Variants in SARDH observed in about 807,000 individuals in gnomAD.
SARDH encodes the protein sarcosine dehydrogenase.
A neutral mutation model predicts 109.1 loss-of-function variants in SARDH; 95 were observed. The ratio of observed to expected loss-of-function variants is 0.87; its 90% CI spans 0.74 to 1.03. The LOEUF (loss-of-function observed/expected upper bound fraction) is 1.03, where lower values mean the gene tolerates loss of function less well. SARDH is among the 50% of genes least tolerant of loss of function. The probability of loss-of-function intolerance (pLI) is 0.00; values close to 1 mark genes in which losing one functional copy is unlikely to be tolerated. For synonymous variants in SARDH, 572 were observed against 534.8 expected (o/e 1.07, Z -0.96); for missense variants, 1,267 against 1,287.8 (o/e 0.98, Z 0.25).
chr9:133,677,370 G>A (rs994695773), intron 17 of SARDH, among the ~76,000 whole-genome samples: 3 of 152,162 alleles, frequency 2.0e-5, no homozygotes, highest in African/African-American at 7.2e-5. Context: ...AATCCGTAGG[G>A]GATGCACCTT....
intron 17 of SARDH, among the ~76,000 whole-genome samples, chr9:133,678,496 C>T (rs1564241796): frequency 6.6e-6 from 1 of 152,228 alleles, no homozygotes; most frequent in Non-Finnish European, 1.5e-5. Context: ...CCTAGAAATA[C>T]AACTCAAGCC....
chr9:133,674,707 C>T (rs1588385437), intron 17 of SARDH, among the ~76,000 whole-genome samples: 2 of 152,154 alleles, frequency 1.3e-5, no homozygotes, highest in Non-Finnish European at 2.9e-5. Context: ...AGAAGCTGGT[C>T]GCGTACCTTA....
Position 133,663,649 on chromosome 9 carries a change from T to TA in SARDH, c.*239dup. ...CCATGGTCCCTGAGCCCAAGACACTTACAGGTTTGCTTTCTGGGAGGATTG... is the reference window on the plus strand; with the variant it reads ...CCATGGTCCCTGAGCCCAAGACACTTAACAGGTTTGCTTTCTGGGAGGATTG... On this transcript the variant is annotated 3_prime_UTR_variant, in exon 21 of 21. Coordinates refer to ENST00000439388, the MANE Select transcript of SARDH (RefSeq NM_001134707.2). 1 of 558,312 alleles carries TA rather than the reference T, an allele frequency of 1.8e-6. No homozygotes were observed. The allele number at this position is 558,312 out of a possible 1,614,324, so 34.6% of individuals were successfully genotyped here.
rs1270458901 is a variant in SARDH at position 133,696,286 on chromosome 9, C to G, written c.1744G>C (p.Val582Leu). 6.2e-7 allele frequency: 1 copy of G among 1,614,168 alleles called. No homozygotes were observed. Among genetic ancestry groups the G allele is most frequent in the South Asian group, 1.1e-5 (1 of 91,084 alleles). The stretch of plus-strand genomic sequence containing the variant: ...GCAGCCTTCCTTGCATCCAGCCCCA[C>G]CAGGTAGAACTTCCCGAAGTAGGAC... ...DMSYFGKFYL[V>L]GLDARKAADW... is the part of the protein sequence containing the mutation. The change falls in exon 14 of 21, where the codon GTG (valine) becomes CTG (leucine). Residue 582 changes from valine (V) to leucine (L), a missense_variant. Transcript: ENST00000439388.
At chr9:133,694,473 G>C in intron 14 of SARDH, 102 bp from the exon 15 acceptor site, 1 of 963,586 alleles carries the variant, frequency 1.0e-6, no homozygotes. Context: ...TCCTTGTCAC[G>C]GAGGCTGGAT....
chr9:133,714,957 G>A (rs932972865), intron 8 of SARDH, among the ~76,000 whole-genome samples: 1 of 152,214 alleles, frequency 6.6e-6, no homozygotes, highest in Admixed American at 6.5e-5. Flanking sequence ...CAGGGAACAA[G>A]GGTCTCTTGG....
intron 17 of SARDH, among the ~76,000 whole-genome samples, chr9:133,680,789 G>C (rs1564244407): frequency 6.6e-6 from 1 of 152,226 alleles, no homozygotes; most frequent in Non-Finnish European, 1.5e-5. Context: ...GACACACGCA[G>C]ACCTGGCCGC....
intron 14 of SARDH, 139 bp downstream of exon 14, chr9:133,696,084 G>T: frequency 1.1e-6 from 1 of 919,338 alleles, no homozygotes; most frequent in Non-Finnish European, 1.6e-6. Context: ...GGACGGGGGG[G>T]AGCTCAAAGC....
intron 17 of SARDH, 58 bp from the exon 18 acceptor site, chr9:133,671,755 C>A: frequency 6.6e-7 from 1 of 1,508,076 alleles, no homozygotes; most frequent in Non-Finnish European, 8.9e-7. Flanking sequence ...GGTCCAGGCC[C>A]AGGCCACCAC....
intron 19 of SARDH, 38 bp downstream of exon 19, chr9:133,670,546 G>A: frequency 6.5e-7 from 1 of 1,549,722 alleles, no homozygotes; most frequent in East Asian, 2.4e-5. Flanking sequence ...GCTGTAGGCA[G>A]TTGCTTCCGG....
intron 17 of SARDH, among the ~76,000 whole-genome samples, chr9:133,675,013 A>G (rs1296735409): frequency 6.6e-6 from 1 of 152,192 alleles, no homozygotes; most frequent in African/African-American, 2.4e-5. Context: ...AAGAACTCCT[A>G]CAACTTAACA....
rs763988206 is a variant in SARDH at position 133,663,949 on chromosome 9, G to A, written c.2697C>T (p.Ala899=). The change falls in exon 21 of 21, where the codon GCC becomes GCT. Residue 899 remains alanine (A), a synonymous_variant. Transcript: ENST00000439388. ...CGAAGGGCGACTTCAGGTGAGCCTGGGCACCATAGGTCACCCCCATTCTCT... is the reference window on the plus strand; with the variant it reads ...CGAAGGGCGACTTCAGGTGAGCCTGAGCACCATAGGTCACCCCCATTCTCT... ...ALERMGVTYG[A]QAHLKSPFDP... The A allele has an allele frequency of 6.2e-7, 1 of 1,614,176 alleles. No homozygotes were observed. The highest frequency in any genetic ancestry group is 2.2e-5 in the East Asian group (1 of 44,882).
intron 6 of SARDH, among the ~76,000 whole-genome samples, chr9:133,726,052 A>G (rs1832479331): frequency 6.6e-6 from 1 of 152,132 alleles, no homozygotes; most frequent in Non-Finnish European, 1.5e-5. Flanking sequence ...GGTGGCACAT[A>G]GAAGTTCCTA....
At chr9:133,730,231 C>G (rs374828715) in intron 4 of SARDH, 44 bp from the exon 5 acceptor site, 4 of 1,605,784 alleles carry the variant, frequency 2.5e-6, no homozygotes, top group African/African-American at 2.7e-5. Context: ...CGGGACTCCC[C>G]GGGGGTGCTT....
intron 16 of SARDH, among the ~76,000 whole-genome samples, chr9:133,688,030 C>T (rs1830947317): frequency 6.6e-6 from 1 of 152,118 alleles, no homozygotes; most frequent in African/African-American, 2.4e-5. Flanking sequence ...GTCCATCTGC[C>T]ACCTCCTCCC....
rs759296197 is a variant in SARDH, at chr9:133,729,781, C to A, written c.899G>T (p.Arg300Leu). Residue 300 changes from arginine to leucine, a missense_variant, in exon 6 of 21, where the codon CGC (arginine) becomes CTC (leucine). Transcript: ENST00000439388. ...AMHHAYVVTERIEGIQNMPNV... is the reference protein window; with the variant it reads ...AMHHAYVVTELIEGIQNMPNV... ...TCCACCTACCTGAATCCCCTCGATG[C>A]GCTCGGTGACGACATAGGCATGGTG... The A allele has an allele frequency of 1.9e-6, 3 of 1,612,724 alleles. No homozygotes were observed.
intron 17 of SARDH, among the ~76,000 whole-genome samples, chr9:133,683,173 C>A (rs946166230): frequency 2.6e-5 from 4 of 152,280 alleles, no homozygotes; most frequent in African/African-American, 9.6e-5. Flanking sequence ...GCAGCCACTG[C>A]CTAGGCTTGG....
downstream of SARDH, among the ~76,000 whole-genome samples, chr9:133,662,553 G>A (rs1829916453): frequency 6.6e-6 from 1 of 152,192 alleles, no homozygotes; most frequent in South Asian, 2.1e-4. This position sits in a 1 kb window ranked among gnomAD's most constrained non-coding sequence, Gnocchi z 5.1. Flanking sequence ...TCCAGCCGCA[G>A]CCCCCTCCCC....
At chr9:133,669,358 A>C (rs112133350) in intron 19 of SARDH, among the ~76,000 whole-genome samples, 8 of 102,232 alleles carry the variant, frequency 7.8e-5, no homozygotes, top group Admixed American at 1.1e-4. Flanking sequence ...TCCCCTCGTC[A>C]CTCTGACACT....
Sources: allele counts gnomAD v4.1 joint callset (sites outside exome capture counted in the v4.1 genomes callset), GRCh38; gene constraint gnomAD v4.1.1; non-coding constraint Gnocchi (gnomAD v3.1); transcripts MANE v1.5; gene names NCBI Gene and HGNC (gene_info 2026-07-23, HGNC 2026-07-21).